The following TFR2 variants were observed in gnomAD, a reference collection of about 807,000 sequenced individuals.
The protein encoded by TFR2 is transferrin receptor 2, also known as transferrin receptor protein 2.
Under a neutral mutation model 91.9 loss-of-function variants are expected in TFR2, and 64 were observed. That is an observed-to-expected ratio of 0.70 (90% CI 0.57 to 0.86). TFR2 has a LOEUF of 0.86. Ranked by LOEUF, TFR2 falls within the 40% of genes least tolerant of loss-of-function variation. TFR2 has a pLI of 0.00. For missense variants in TFR2, 950 were observed against 1,080.5 expected (o/e 0.88, Z 1.69); for synonymous variants, 454 against 459.6 (o/e 0.99, Z 0.15).
chr7:100,627,512 C>A lies in TFR2; in HGVS notation c.1768-21G>T, dbSNP rs41295915. 1.6e-3 allele frequency: 2,631 copies of A among 1,613,570 alleles called. 33 individuals carry two copies. The East Asian group carries it at 0.022, about 13-fold the overall frequency. ...TCGTCCTGCCAGGACAGGGTGGACG[C>A]TGGGGCGGAGGCAGACAGGCTGAAG... On this transcript the variant is annotated intron_variant, in intron 15 of 17. Coordinates refer to ENST00000223051, the MANE Select transcript of TFR2 (RefSeq NM_003227.4).
chr7:100,626,978 C>A, intron 16 of TFR2, 75 bp from the exon 17 acceptor site: 2 of 1,490,432 alleles, frequency 1.3e-6, no homozygotes, highest in Non-Finnish European at 8.9e-7. Context: ...CAAGGACCCC[C>A]GCCTAGCATG....
intron 3 of TFR2, among the ~76,000 whole-genome samples, chr7:100,637,515 A>G (rs756614955): frequency 1.2e-4 from 18 of 152,178 alleles, no homozygotes; most frequent in Non-Finnish European, 2.4e-4. Context: ...AATCACCTGA[A>G]GCCGGGAGGC....
chr7:100,628,006 T>C (rs772489994), intron 12 of TFR2, 32 bp from the exon 13 acceptor site: 2 of 1,614,026 alleles, frequency 1.2e-6, no homozygotes, highest in Non-Finnish European at 1.7e-6. Context: ...GATGCCAGGC[T>C]CAGGGCTCAG....
At position 100,632,144 on chromosome 7, in the gene TFR2, C is replaced by T; in HGVS notation, c.904G>A (p.Ala302Thr). 6.2e-7 allele frequency: 1 copy of T among 1,614,136 alleles called. No homozygotes were observed. The highest frequency in any genetic ancestry group is 8.5e-7 in the Non-Finnish European group (1 of 1,180,026). Residue 302 changes from alanine to threonine, a missense_variant, in exon 7 of 18, where the codon GCG (alanine) becomes ACG (threonine). Physicochemically the swap from Ala to Thr is moderately conservative, Grantham distance 58 (BLOSUM62 0). Transcript: ENST00000223051. Reference sequence around the variant, plus strand: ...TTGGGTGGGTCCTGGGAGAAGTCCGCTGGCTCTGGGTATATGAGCACTCCT... The same window carrying T: ...TTGGGTGGGTCCTGGGAGAAGTCCGTTGGCTCTGGGTATATGAGCACTCCT... ...AQGVLIYPEP[A>T]DFSQDPPKPS...
rs1205883184 is a variant in TFR2, at chr7:100,620,812, A to G, written c.*45T>C. The stretch of plus-strand genomic sequence containing the variant: ...CCTGAATCATTCAAGCGAGGAGCAG[A>G]GGAGCTCTTGACTGGGGGACGGGGA... On this transcript the variant is annotated 3_prime_UTR_variant, in exon 18 of 18. Transcript: ENST00000223051. 3 of 1,612,490 alleles carry G rather than the reference A, an allele frequency of 1.9e-6. No homozygotes were observed. The highest frequency in any genetic ancestry group is 2.5e-6 in the Non-Finnish European group (3 of 1,179,050).
rs781371035 is a variant in TFR2, at chr7:100,631,021, A to T, written c.1138T>A (p.Trp380Arg). 3 of 1,596,740 alleles carry T rather than the reference A, an allele frequency of 1.9e-6. No homozygotes were observed. The highest frequency in any genetic ancestry group is 3.6e-5 in the Admixed American group (2 of 55,768). ...GGGGAGCCTAGGAGGCTCCCCTGCC[A>T]TTCTTGGGGGGCCACAGGGCCTTTG... ...KLKGPVAPQE[W>R]QGSLLGSPYH... Residue 380 changes from tryptophan to arginine, a missense_variant, in exon 9 of 18, where the codon TGG (tryptophan) becomes AGG (arginine). Trp to Arg is a moderately radical substitution (Grantham distance 101, BLOSUM62 -3). Transcript: ENST00000223051.
Position 100,640,972 on chromosome 7 carries a change from T to G in TFR2, c.286+4A>C, listed in dbSNP as rs1803687135. The G allele has an allele frequency of 4.3e-6, 7 of 1,611,158 alleles. No individual in the cohort carries two copies. The highest frequency in any genetic ancestry group is 5.9e-6 in the Non-Finnish European group (7 of 1,178,162). On this transcript the variant is annotated splice_donor_region_variant and intron_variant, in intron 2 of 17. Transcript: ENST00000223051. ...TCACTTCTGGGGAGGGGGACGGCTC[T>G]CACCCCCAGTGAAGATCAGCAGGGC...
intron 14 of TFR2, 35 bp downstream of exon 14, chr7:100,627,709 A>G (rs539310085): frequency 1.2e-6 from 2 of 1,613,230 alleles, no homozygotes; most frequent in Non-Finnish European, 1.7e-6. Flanking sequence ...GCTCCCCCAC[A>G]TCCCTCCCCA....
rs943359654 is a variant in TFR2, at chr7:100,627,968, T to G, written c.1544A>C (p.Asp515Ala). ...VSLDNAVLGD[D>A]KFHAKTSPLL... The stretch of plus-strand genomic sequence containing the variant: ...GGGGCTGGTCTTGGCATGAAACTTG[T>G]CATCCCCTGGAAAAAGGGGAGGGGA... The change falls in exon 13 of 18, where the codon GAC (aspartate) becomes GCC (alanine). Residue 515 changes from aspartate (D) to alanine (A), a missense_variant. Physicochemically the swap from Asp to Ala is moderately radical, Grantham distance 126. Transcript: ENST00000223051. The G allele has an allele frequency of 1.2e-6, 2 of 1,614,030 alleles. No homozygotes were observed. The highest frequency in any genetic ancestry group is 1.7e-6 in the Non-Finnish European group (2 of 1,179,928).
chr7:100,632,953 C>A (rs1478032545), intron 6 of TFR2, 48 bp downstream of exon 6: 2 of 1,613,398 alleles, frequency 1.2e-6, no homozygotes, highest in South Asian at 1.1e-5. Flanking sequence ...GGCAGTCCGA[C>A]CCTCCGGTTC....
chr7:100,624,929 C>T (rs981937722), intron 17 of TFR2, among the ~76,000 whole-genome samples: 2 of 151,858 alleles, frequency 1.3e-5, no homozygotes, highest in African/African-American at 4.8e-5. Context: ...GGCAGTAGTT[C>T]ACCAACCCCT....
At chr7:100,626,653 C>T in intron 17 of TFR2, 110 bp downstream of exon 17, 1 of 1,498,588 alleles carries the variant, frequency 6.7e-7, no homozygotes, top group Non-Finnish European at 8.9e-7. Context: ...AGGACCGGGA[C>T]TGTGTAGGCG....
intron 7 of TFR2, 58 bp from the exon 8 acceptor site, chr7:100,632,003 A>T (rs551189640): frequency 6.2e-7 from 1 of 1,614,046 alleles, no homozygotes; most frequent in Non-Finnish European, 8.5e-7. Context: ...GAAAAACGAA[A>T]AACATGCCAG....
At chr7:100,629,769 G>A (rs1240212487) in intron 9 of TFR2, among the ~76,000 whole-genome samples, 5 of 151,960 alleles carry the variant, frequency 3.3e-5, no homozygotes, top group Non-Finnish European at 5.9e-5. Context: ...TTTATTTTTT[G>A]GAGTCTCGCT....
At chr7:100,626,533 G>A in intron 17 of TFR2, 1 of 1,386,120 alleles carries the variant, frequency 7.2e-7, no homozygotes, top group Non-Finnish European at 9.3e-7. Flanking sequence ...AGGCGACTGT[G>A]GCCAAGAGGC....
At chr7:100,629,890 C>T (rs921603352) in intron 9 of TFR2, among the ~76,000 whole-genome samples, 5 of 152,032 alleles carry the variant, frequency 3.3e-5, no homozygotes, top group East Asian at 1.9e-4. Context: ...GGAGTACAGG[C>T]GCCTGCCACC....
In TFR2 at chr7:100,626,819, T is replaced by A; in HGVS notation, c.2080A>T (p.Ser694Cys). The A allele has an allele frequency of 6.5e-7, 1 of 1,549,522 alleles. No individual in the cohort carries two copies. Reference protein sequence around the residue: ...AAEKLRQEIYSSEERDERLTR... With the variant: ...AAEKLRQEIYCSEERDERLTR... ...AGTCGCTCGTCTCTCTCCTCCGAGC[T>A]GTAGATCTCCTGCCGCAGCTTTTCC... The change falls in exon 17 of 18, where the codon AGC becomes TGC. Residue 694 changes from serine to cysteine, a missense_variant. Coordinates refer to ENST00000223051, the MANE Select transcript of TFR2 (RefSeq NM_003227.4).
intron 3 of TFR2, 46 bp downstream of exon 3, chr7:100,640,640 G>A: frequency 1.9e-6 from 3 of 1,598,044 alleles, no homozygotes; most frequent in Non-Finnish European, 2.6e-6. Context: ...CTGAGCGGAT[G>A]AGGGGAGGGA....
In TFR2 at chr7:100,641,477, C is replaced by G; in HGVS notation, c.33G>C (p.Ala11=). MERLWGLFQR[A]QQLSPRSSQT... ...GTCTTCCCAATCCCACTAGTCTTAC[C>G]GCTCTCTGGAATAGACCCCAAAGCC... is the stretch of plus-strand genomic sequence containing the variant. Residue 11 remains alanine, a splice_region_variant and synonymous_variant, in exon 1 of 18, where the codon GCG becomes GCC. Coordinates refer to ENST00000223051, the MANE Select transcript of TFR2 (RefSeq NM_003227.4). The G allele has an allele frequency of 6.2e-7, 1 of 1,613,908 alleles. No homozygotes were observed. Among genetic ancestry groups the G allele is most frequent in the Non-Finnish European group, 8.5e-7 (1 of 1,179,920 alleles).
Sources: gnomAD v4.1 joint callset for allele counts (sites outside exome capture counted in the v4.1 genomes callset) on GRCh38, gnomAD v4.1.1 for gene constraint, MANE v1.5 for transcripts, NCBI Gene and HGNC (gene_info 2026-07-23, HGNC 2026-07-21) for gene names.